The following CACNA1C variants were observed in gnomAD, a reference collection of about 807,000 sequenced individuals.
CACNA1C encodes calcium voltage-gated channel subunit alpha1 C, also known as voltage-dependent L-type calcium channel subunit alpha-1C.
In CACNA1C, 30 loss-of-function variants were observed where a neutral mutation model predicts 229.0. The observed-to-expected ratio is 0.13, with a 90% confidence interval of 0.10 to 0.18. The LOEUF is 0.18. Among genes scored for constraint, CACNA1C ranks in the 10% least tolerant of loss-of-function variants. The probability of loss-of-function intolerance (pLI) is 1.00; values close to 1 mark genes in which losing one functional copy is unlikely to be tolerated. For synonymous variants in CACNA1C, 1,114 were observed against 1,132.5 expected (o/e 0.98, Z 0.33); for missense variants, 1,658 against 2,845.0 (o/e 0.58, Z 9.49).
intron 3 of CACNA1C, among the ~76,000 whole-genome samples, chr12:2,369,429 C>T (rs1054238750): frequency 1.5e-4 from 21 of 135,710 alleles, no homozygotes; most frequent in Non-Finnish European, 8.1e-5. Flanking sequence ...GACAAAGTCT[C>T]GCTCTGTTGC....
chr12:2,219,060 A>C (rs2154347585), intron 3 of CACNA1C, among the ~76,000 whole-genome samples: 1 of 152,354 alleles, frequency 6.6e-6, no homozygotes, highest in South Asian at 2.1e-4. Context: ...ATGCTGAGTT[A>C]GATCAACAAA....
chr12:2,032,847 T>C (rs753405180), intron 1 of CACNA1C, among the ~76,000 whole-genome samples: 7 of 152,234 alleles, frequency 4.6e-5, no homozygotes, highest in Non-Finnish European at 8.8e-5. Flanking sequence ...GAAATATTTA[T>C]AGAACGAGGT....
At chr12:2,238,077 T>A (rs1345949513) in intron 3 of CACNA1C, among the ~76,000 whole-genome samples, 1 of 152,238 alleles carries the variant, frequency 6.6e-6, no homozygotes, top group Admixed American at 6.5e-5. Flanking sequence ...TGGCAGAGAC[T>A]CTTTGTTCTA....
At chr12:2,599,135 G>C (rs913558697) in intron 21 of CACNA1C, among the ~76,000 whole-genome samples, 1 of 152,118 alleles carries the variant, frequency 6.6e-6, no homozygotes, top group African/African-American at 2.4e-5. Context: ...TTTCTCCTTC[G>C]GGATTGCCAT....
chr12:2,141,333 A>G (rs1281820837), intron 3 of CACNA1C, among the ~76,000 whole-genome samples: 2 of 151,246 alleles, frequency 1.3e-5, no homozygotes, highest in Admixed American at 6.6e-5. Flanking sequence ...CCTTGACTTT[A>G]GCATTCCCAG....
chr12:2,546,602 G>C (rs1442705625), intron 9 of CACNA1C, among the ~76,000 whole-genome samples: 1 of 152,168 alleles, frequency 6.6e-6, no homozygotes, highest in Non-Finnish European at 1.5e-5. Context: ...TGCAGTGGCT[G>C]GTGTCTTCAC....
chr12:2,684,205 AAAG>A (rs1358004043), intron 43 of CACNA1C, among the ~76,000 whole-genome samples: 1 of 152,150 alleles, frequency 6.6e-6, no homozygotes, highest in Non-Finnish European at 1.5e-5. Context: ...CCCAGCATAG[AAAG>A]AAGAATCGAG....
intron 1 of CACNA1C, among the ~76,000 whole-genome samples, chr12:2,023,869 A>G (rs1446325484): frequency 6.6e-6 from 1 of 152,242 alleles, no homozygotes; most frequent in Admixed American, 6.5e-5. Context: ...TTGCTGCTTA[A>G]TAGACTTCAT....
At chr12:2,256,696 A>G (rs775469087) in intron 3 of CACNA1C, among the ~76,000 whole-genome samples, 80 of 152,080 alleles carry the variant, frequency 5.3e-4, no homozygotes, top group Non-Finnish European at 1.0e-3. Flanking sequence ...TTGCAGCCAC[A>G]TCCTTTCTAG....
In CACNA1C at chr12:2,420,974, C is replaced by T. The variant is rs2098972774; in HGVS notation, c.478-28002C>T. 2.0e-5 allele frequency among the ~76,000 whole-genome samples: 3 copies of T among 152,136 alleles called. No homozygotes were observed. The South Asian group carries it at 6.2e-4, about 31-fold the overall frequency. On this transcript the variant is annotated intron_variant, in intron 3 of 46. Transcript: ENST00000399655. ...GTAGGAAATGCACCCTTATTTTAGTCAGATCCTGTGAATTAAATTTTAAAA... is the reference window on the plus strand; with the variant it reads ...GTAGGAAATGCACCCTTATTTTAGTTAGATCCTGTGAATTAAATTTTAAAA...
chr12:2,067,482 G>GCA lies in CACNA1C; in HGVS notation c.49+13872_49+13873insAC, dbSNP rs1555107492. 1.2e-3 allele frequency among the ~76,000 whole-genome samples: 21 copies of GCA among 17,306 alleles called. No homozygotes were observed. The highest frequency in any genetic ancestry group is 1.6e-3 in the African/African-American group (20 of 12,822). The allele number at this position is 17,306 out of a possible 152,430, so 11.4% of individuals were successfully genotyped here. A position where few individuals can be genotyped will look rare whatever the true frequency, so the allele number is the denominator to read the frequency against. ...TGTGTGTGTGTGTGTGTGTGTGTGT[G>GCA]CGCGCGTGTGCGTGCCTGTATGTAA... On this transcript the variant is annotated intron_variant, in intron 1 of 46. Coordinates refer to ENST00000399655, the MANE Select transcript of CACNA1C (RefSeq NM_000719.7). This position sits in a 1 kb window ranked among gnomAD's most constrained non-coding sequence, Gnocchi z 5.3.
In CACNA1C at chr12:2,462,951, C is replaced by T. The variant is rs188207876; in HGVS notation, c.757+5245C>T. Among the ~76,000 whole-genome samples the T allele has an allele frequency of 9.6e-5, 13 of 134,760 alleles. No individual in the cohort carries two copies. In the East Asian group the frequency reaches 1.0e-3, roughly 11 times the overall value. 88.4% of individuals were successfully genotyped at this position (134,760 alleles called of 152,430 possible). On this transcript the variant is annotated intron_variant, in intron 5 of 46. Coordinates refer to ENST00000399655, the MANE Select transcript of CACNA1C (RefSeq NM_000719.7). ...TTTTTGAGACGGAGTCTTGCTCTGT[C>T]GCCCAGGCTGGAGTGCAGTGGTGTG...
In CACNA1C at chr12:2,597,133, T is replaced by C. The variant is rs889639864; in HGVS notation, c.2794-97T>C. On this transcript the variant is annotated intron_variant, in intron 20 of 46. Coordinates refer to ENST00000399655, the MANE Select transcript of CACNA1C (RefSeq NM_000719.7). The surrounding 1 kb of genome is among the most constrained non-coding windows in gnomAD (Gnocchi z 4.3). Reference sequence around the variant, plus strand: ...GTGCCAGGCATCTCATTTTGAAGTGTGGCCCCTTTTCTGGTGAACATCCAC... The same window carrying C: ...GTGCCAGGCATCTCATTTTGAAGTGCGGCCCCTTTTCTGGTGAACATCCAC... 1 of 769,634 alleles carries C rather than the reference T, an allele frequency of 1.3e-6. No homozygotes were observed. Among genetic ancestry groups the C allele is most frequent in the Non-Finnish European group, 2.3e-6 (1 of 438,436 alleles). The allele number at this position is 769,634 out of a possible 1,614,324, so 47.7% of individuals were successfully genotyped here. A position where few individuals can be genotyped will look rare whatever the true frequency, so the allele number is the denominator to read the frequency against.
Position 2,348,561 on chromosome 12 carries a change from C to T in CACNA1C, c.478-100415C>T, listed in dbSNP as rs116310856. Among the ~76,000 whole-genome samples, 767 of 152,316 alleles carry T rather than the reference C, an allele frequency of 5.0e-3. 2 individuals are homozygous for T. The highest frequency in any genetic ancestry group is 0.017 in the African/African-American group (710 of 41,564). ...CGCCGGGTGGGCAAGGATTTCAAGT[C>T]GTCGGCACAAGAAGAGACACTATAT... On this transcript the variant is annotated intron_variant, in intron 3 of 46. Transcript: ENST00000399655. The surrounding 1 kb of genome is among the most constrained non-coding windows in gnomAD (Gnocchi z 4.7).
In CACNA1C at chr12:2,566,631, C is replaced by T. The variant is rs1568463784; in HGVS notation, c.1669+49C>T. Reference sequence around the variant, plus strand: ...TCTGGTTTCCTCCTGGTAACTCAGCCCCAAGGCCCAGGGGAGGGCATAACC... The same window carrying T: ...TCTGGTTTCCTCCTGGTAACTCAGCTCCAAGGCCCAGGGGAGGGCATAACC... On this transcript the variant is annotated intron_variant, in intron 12 of 46. Coordinates refer to ENST00000399655, the MANE Select transcript of CACNA1C (RefSeq NM_000719.7). The surrounding 1 kb of genome is among the most constrained non-coding windows in gnomAD (Gnocchi z 4.0). The T allele has an allele frequency of 1.3e-6, 2 of 1,507,786 alleles. No individual in the cohort carries two copies. The highest frequency in any genetic ancestry group is 4.9e-5 in the East Asian group (2 of 40,966). 93.4% of individuals were successfully genotyped at this position (1,507,786 alleles called of 1,614,324 possible). A position where few individuals can be genotyped will look rare whatever the true frequency, so the allele number is the denominator to read the frequency against.
At chr12:2,567,917 T>C (rs1310315832) in intron 13 of CACNA1C, 123 bp downstream of exon 13, 4 of 608,940 alleles carry the variant, frequency 6.6e-6, no homozygotes, top group African/African-American at 1.9e-5. Flanking sequence ...GTCTCTGAAG[T>C]TCACATGCAA....
intron 3 of CACNA1C, among the ~76,000 whole-genome samples, chr12:2,317,655 A>G (rs549675403): frequency 3.3e-5 from 5 of 152,348 alleles, no homozygotes; most frequent in South Asian, 4.1e-4. Flanking sequence ...ATTTTCCCAC[A>G]ATTTTTAAAA....
chr12:2,651,864 C>CA lies in CACNA1C; in HGVS notation c.4074+96_4074+97insA. The CA allele has an allele frequency of 1.0e-6, 1 of 970,066 alleles. No individual in the cohort carries two copies. Among genetic ancestry groups the CA allele is most frequent in the South Asian group, 1.7e-5 (1 of 58,550 alleles). The allele number at this position is 970,066 out of a possible 1,614,324, so 60.1% of individuals were successfully genotyped here. A position where few individuals can be genotyped will look rare whatever the true frequency, so the allele number is the denominator to read the frequency against. On this transcript the variant is annotated intron_variant, in intron 32 of 46. Coordinates refer to ENST00000399655, the MANE Select transcript of CACNA1C (RefSeq NM_000719.7). The surrounding 1 kb of genome is among the most constrained non-coding windows in gnomAD (Gnocchi z 5.4). ...CAAGGAGGAGCCCTCCACTCTGGGGCCCTGCTCCTTCCTCTGTGTGGCAGA... is the reference window on the plus strand; with the variant it reads ...CAAGGAGGAGCCCTCCACTCTGGGGCACCTGCTCCTTCCTCTGTGTGGCAGA...
chr12:2,103,404 CTTTA>C (rs2077110997), intron 1 of CACNA1C, among the ~76,000 whole-genome samples: 1 of 152,074 alleles, frequency 6.6e-6, no homozygotes, highest in Non-Finnish European at 1.5e-5. Flanking sequence ...TGTTCATATC[CTTTA>C]CCTAGTTTTT....
Sources: allele counts gnomAD v4.1 joint callset (sites outside exome capture counted in the v4.1 genomes callset), GRCh38; gene constraint gnomAD v4.1.1; non-coding constraint Gnocchi (gnomAD v3.1); transcripts MANE v1.5; gene names NCBI Gene and HGNC (gene_info 2026-07-23, HGNC 2026-07-21).